The following GNG7 variants were observed in gnomAD, a reference collection of about 807,000 sequenced individuals.
GNG7 encodes guanine nucleotide-binding protein G(I)/G(S)/G(O) subunit gamma-7.
A neutral mutation model predicts 4.0 loss-of-function variants in GNG7; 1 was observed. That is an observed-to-expected ratio of 0.25 (90% CI 0.09 to 1.18). GNG7 has a LOEUF of 1.18. Among genes scored for constraint, GNG7 ranks in the 50% most tolerant of loss-of-function variants. The pLI is 0.50. For synonymous variants in GNG7, 34 were observed against 36.9 expected, an observed-to-expected ratio of 0.92 and a Z score of 0.29; for missense variants, 86 against 91.9, an observed-to-expected ratio of 0.94 and a Z score of 0.26.
chr19:2,534,772 C>T (rs1458954772), intron 3 of GNG7, among the ~76,000 whole-genome samples: 1 of 152,238 alleles, frequency 6.6e-6, no homozygotes, highest in Non-Finnish European at 1.5e-5. Context: ...TGAAAGCCAG[C>T]AGGCTTGAGA....
Position 2,659,131 on chromosome 19 carries a change from G to A in GNG7, c.-134-12851C>T, listed in dbSNP as rs557434943. Among the ~76,000 whole-genome samples, 46 of 151,902 alleles carry A rather than the reference G, an allele frequency of 3.0e-4. 1 individual carries two copies. The East Asian group carries it at 8.8e-3, about 29-fold the overall frequency. On this transcript the variant is annotated intron_variant, in intron 1 of 4. Transcript: ENST00000382159. ...ACTACAGGCGCCCGCCACCACACCT[G>A]GCTAATTTTTTGTATTTTTAGTAGA...
At chr19:2,553,806 A>G (rs954258139) in intron 3 of GNG7, among the ~76,000 whole-genome samples, 2 of 121,652 alleles carry the variant, frequency 1.6e-5, no homozygotes, top group Admixed American at 8.2e-5. Context: ...TATCATGTGT[A>G]ATATATCACA....
intron 2 of GNG7, among the ~76,000 whole-genome samples, chr19:2,592,353 T>C (rs924127082): frequency 1.3e-5 from 2 of 152,164 alleles, no homozygotes; most frequent in Non-Finnish European, 1.5e-5. Context: ...TTGCTCCTTC[T>C]ATCACAGCAT....
intron 1 of GNG7, among the ~76,000 whole-genome samples, chr19:2,684,135 ATTTT>A (rs547594113): frequency 8.0e-6 from 1 of 125,326 alleles, no homozygotes; most frequent in Non-Finnish European, 1.6e-5. Flanking sequence ...CAGCCTGGCC[ATTTT>A]TTTTTTTTTT....
intron 2 of GNG7, among the ~76,000 whole-genome samples, chr19:2,570,775 A>T (rs567337575): frequency 1.3e-5 from 2 of 152,078 alleles, no homozygotes; most frequent in Non-Finnish European, 2.9e-5. Flanking sequence ...ACAAAACCCC[A>T]AGCCTAAAAA....
intron 1 of GNG7, among the ~76,000 whole-genome samples, chr19:2,697,636 C>T (rs572100774): frequency 2.4e-4 from 36 of 152,290 alleles, no homozygotes; most frequent in Non-Finnish European, 4.3e-4. Flanking sequence ...TCAACAAGGA[C>T]GCAGAATTGC....
intron 2 of GNG7, chr19:2,631,919 G>C (rs1982169256): frequency 6.6e-6 from 1 of 152,232 alleles, no homozygotes; most frequent in African/African-American, 2.4e-5. Flanking sequence ...AAGAGGAAGA[G>C]AGAAAAGGGG....
chr19:2,603,267 G>C (rs1376991479), intron 2 of GNG7, among the ~76,000 whole-genome samples: 1 of 152,104 alleles, frequency 6.6e-6, no homozygotes, highest in Non-Finnish European at 1.5e-5. Context: ...GGGTTTCACC[G>C]TGTTAGCCAG....
At chr19:2,556,271 C>G (rs1325902452) in intron 2 of GNG7, among the ~76,000 whole-genome samples, 1 of 152,228 alleles carries the variant, frequency 6.6e-6, no homozygotes, top group Non-Finnish European at 1.5e-5. Flanking sequence ...AGGGGAGGCC[C>G]CGTCCTGCCT....
intron 1 of GNG7, among the ~76,000 whole-genome samples, chr19:2,661,272 A>AGAAAGGAAGGAAGGAAGGAG (rs1226544423): frequency 2.2e-5 from 1 of 46,502 alleles, no homozygotes; most frequent in African/African-American, 9.5e-5. Flanking sequence ...AAAGAAAGAA[A>AGAAAGGAAGGAAGGAAGGAG]AGAAAGAAAG....
chr19:2,568,050 T>C (rs957804802), intron 2 of GNG7, among the ~76,000 whole-genome samples: 26 of 151,042 alleles, frequency 1.7e-4, no homozygotes, highest in South Asian at 2.1e-4. Context: ...CACGTGCAGA[T>C]ACACACACAT....
At position 2,513,301 on chromosome 19, in the gene GNG7, G is replaced by A. The variant is rs1338605854; in HGVS notation, c.*1721C>T. On this transcript the variant is annotated 3_prime_UTR_variant, in exon 5 of 5. Coordinates refer to ENST00000382159, the MANE Select transcript of GNG7 (RefSeq NM_052847.3). ...GTTCTTAGACGCCTGTCTCCACTGG[G>A]GCCGGAGGGACAGGACTAGGCTAGT... is the stretch of plus-strand genomic sequence containing the variant. 3.0e-6 allele frequency: 1 copy of A among 327,906 alleles called. No individual in the cohort carries two copies. Among genetic ancestry groups the A allele is most frequent in the Non-Finnish European group, 4.4e-6 (1 of 228,914 alleles). 20.3% of individuals were successfully genotyped at this position (327,906 alleles called of 1,614,324 possible).
chr19:2,581,743 G>A (rs1036529874), intron 2 of GNG7, among the ~76,000 whole-genome samples: 1 of 152,190 alleles, frequency 6.6e-6, no homozygotes, highest in Non-Finnish European at 1.5e-5. Context: ...CGCATGAACC[G>A]TGTTATGGTC....
intron 2 of GNG7, among the ~76,000 whole-genome samples, chr19:2,616,015 C>T (rs1981714665): frequency 6.6e-6 from 1 of 152,168 alleles, no homozygotes; most frequent in Admixed American, 6.5e-5. Flanking sequence ...GCCTTTTTCC[C>T]CTGGTGCCAG....
At chr19:2,517,469 A>G (rs7251023) in intron 4 of GNG7, among the ~76,000 whole-genome samples, 61,202 of 151,916 alleles carry the variant, frequency 0.4, 12,471 homozygotes, top group Non-Finnish European at 0.44. Context: ...GGTCCAAGCA[A>G]TTCTCCCACC....
At chr19:2,577,169 C>T (rs1249228852) in intron 2 of GNG7, among the ~76,000 whole-genome samples, 2 of 152,210 alleles carry the variant, frequency 1.3e-5, no homozygotes, top group Non-Finnish European at 2.9e-5. Context: ...TGGCGCCTTC[C>T]AACACACATC....
intron 2 of GNG7, among the ~76,000 whole-genome samples, chr19:2,558,053 G>C (rs931570366): frequency 2.0e-5 from 3 of 151,998 alleles, no homozygotes; most frequent in Admixed American, 6.6e-5. Flanking sequence ...GTGTTAGCCA[G>C]GATGGCCTTG....
At chr19:2,682,765 G>A (rs1983773834) in intron 1 of GNG7, among the ~76,000 whole-genome samples, 1 of 151,642 alleles carries the variant, frequency 6.6e-6, no homozygotes, top group Non-Finnish European at 1.5e-5. Flanking sequence ...CATGAGCCTT[G>A]GTTTCCTCAT....
intron 2 of GNG7, among the ~76,000 whole-genome samples, chr19:2,591,699 A>C (rs1163569320): frequency 1.3e-5 from 2 of 152,168 alleles, no homozygotes; most frequent in Non-Finnish European, 2.9e-5. Context: ...AATATGTAGC[A>C]TATGTAACAA....
Sources: allele counts gnomAD v4.1 joint callset (sites outside exome capture counted in the v4.1 genomes callset), GRCh38; gene constraint gnomAD v4.1.1; transcripts MANE v1.5; gene names NCBI Gene and HGNC (gene_info 2026-07-23, HGNC 2026-07-21).